Variants in LSR observed in about 807,000 individuals in gnomAD.
LSR encodes the protein lipolysis-stimulated lipoprotein receptor.
Under a neutral mutation model 61.8 loss-of-function variants are expected in LSR, and 44 were observed. That is an observed-to-expected ratio of 0.71 (90% CI 0.56 to 0.91). LSR has a LOEUF of 0.91. LSR is among the 40% of genes least tolerant of loss of function. The probability of loss-of-function intolerance (pLI) is 0.00; values close to 1 mark genes in which losing one functional copy is unlikely to be tolerated. For synonymous variants in LSR, 397 were observed against 350.6 expected, an observed-to-expected ratio of 1.13 and a Z score of -1.48; for missense variants, 911 against 830.5, an observed-to-expected ratio of 1.10 and a Z score of -1.19.
intron 7 of LSR, 41 bp downstream of exon 7, chr19:35,266,779 G>A: frequency 5.0e-6 from 8 of 1,609,300 alleles, no homozygotes; most frequent in Non-Finnish European, 6.8e-6. Flanking sequence ...GCCTGTAAGG[G>A]AGAGGGGTGG....
chr19:35,266,626 C>T (rs2066003595), intron 6 of LSR, 53 bp from the exon 7 acceptor site: 15 of 1,595,874 alleles, frequency 9.4e-6, no homozygotes, highest in Non-Finnish European at 1.2e-5. Context: ...TCTTGGGAGC[C>T]GAGGAGGGGC....
At chr19:35,261,133 G>T (rs777024780) in intron 3 of LSR, among the ~76,000 whole-genome samples, 5 of 152,152 alleles carry the variant, frequency 3.3e-5, no homozygotes, top group African/African-American at 9.7e-5. Flanking sequence ...CACAACACTG[G>T]TGGGGCTCAG....
intron 2 of LSR, among the ~76,000 whole-genome samples, chr19:35,252,951 G>A (rs1032292175): frequency 2.6e-5 from 4 of 152,118 alleles, no homozygotes; most frequent in African/African-American, 9.7e-5. Context: ...GGCTTGAGAG[G>A]TCAAGGCTTC....
Position 35,267,397 on chromosome 19 carries a change from C to G in LSR, c.1433C>G (p.Pro478Arg). ...GGGAGAAGCCGGGCCTACATGCCCC[C>G]GCGGAGCCGCAGCCGGGACGACCTC... The part of the protein sequence containing the change: ...NGGRSRAYMP[P>R]RSRSRDDLYD... Residue 478 changes from proline to arginine, a missense_variant, in exon 9 of 10, where the codon CCG becomes CGG. Physicochemically the swap from Pro to Arg is moderately radical, Grantham distance 103. Transcript: ENST00000605618. 6.2e-7 allele frequency: 1 copy of G among 1,607,094 alleles called. No individual in the cohort carries two copies. The highest frequency in any genetic ancestry group is 8.5e-7 in the Non-Finnish European group (1 of 1,177,540).
rs2065890985 is a variant in LSR, at chr19:35,259,023, T to TCC, written c.534_535dup (p.Gln179ProfsTer32). 6.2e-7 allele frequency: 1 copy of TCC among 1,613,918 alleles called. No homozygotes were observed. Among genetic ancestry groups the TCC allele is most frequent in the Non-Finnish European group, 8.5e-7 (1 of 1,179,976 alleles). On this transcript the variant is annotated frameshift_variant, in exon 3 of 10. Transcript: ENST00000605618. LOFTEE classifies it high-confidence loss of function. ...TGCTCCGTGGTCTCAGCCCAGGACC[T>TCC]CCAGGGGAACAATGAGGCCTACGCA...
At position 35,249,216 on chromosome 19, in the gene LSR, G is replaced by T. The variant is rs1419805013; in HGVS notation, c.109+85G>T. On this transcript the variant is annotated intron_variant, in intron 1 of 9. Transcript: ENST00000605618. ...GATGGAGTTGGAGGCGGCGGGAAGC[G>T]GGAAGCGGGGGTCTCAGAGGCTGGG... 3.4e-6 allele frequency: 5 copies of T among 1,456,002 alleles called. No homozygotes were observed. In the African/African-American group the frequency reaches 7.4e-5, roughly 21 times the overall value. The allele number at this position is 1,456,002 out of a possible 1,614,324, so 90.2% of individuals were successfully genotyped here.
intron 2 of LSR, among the ~76,000 whole-genome samples, chr19:35,258,660 T>C (rs2073898): frequency 0.84 from 127,155 of 152,020 alleles, 53,602 homozygotes; most frequent in Admixed American, 0.91. Flanking sequence ...TACTGCTCTA[T>C]ACTGAAGAGC....
At chr19:35,256,892 A>C (rs192906080) in intron 2 of LSR, among the ~76,000 whole-genome samples, 187 of 151,542 alleles carry the variant, frequency 1.2e-3, no homozygotes, top group African/African-American at 4.3e-3. Context: ...GCTAGAGTGC[A>C]GTGGTGCAAT....
At position 35,267,260 on chromosome 19, in the gene LSR, A is replaced by AGGCGGGGGCT; in HGVS notation, c.1303_1312dup (p.Ala438GlyfsTer34). 6.5e-7 allele frequency: 1 copy of AGGCGGGGGCT among 1,531,774 alleles called. No homozygotes were observed. The highest frequency in any genetic ancestry group is 8.8e-7 in the Non-Finnish European group (1 of 1,140,924). The allele number at this position is 1,531,774 out of a possible 1,614,324, so 94.9% of individuals were successfully genotyped here. ...ACCAGGAGCCCGCCAGGGAGCAGGC[A>AGGCGGGGGCT]GGCGGGGGCTGGCGGGCCAGGCGGC... is the stretch of plus-strand genomic sequence containing the variant. On this transcript the variant is annotated frameshift_variant, in exon 9 of 10. Transcript: ENST00000605618. LOFTEE classifies it high-confidence loss of function.
chr19:35,249,237 C>A, intron 1 of LSR, 106 bp downstream of exon 1: 1 of 1,362,954 alleles, frequency 7.3e-7, no homozygotes, highest in Non-Finnish European at 9.8e-7. Flanking sequence ...GTCTCAGAGG[C>A]TGGGACCTTC....
At position 35,250,465 on chromosome 19, in the gene LSR, G is replaced by A. The variant is rs141980234; in HGVS notation, c.260G>A (p.Arg87His). The change falls in exon 2 of 10, where the codon CGC (arginine) becomes CAC (histidine). Residue 87 changes from arginine to histidine, a missense_variant. Physicochemically the swap from Arg to His is conservative, Grantham distance 29. Coordinates refer to ENST00000605618, the MANE Select transcript of LSR (RefSeq NM_205834.4). ...AAGTACAAGTCTTTCTGCCGGGACC[G>A]CATCGCCGATGCCTTCTCCCCGGCC... ...IWKYKSFCRDRIADAFSPASV... is the reference protein window; with the variant it reads ...IWKYKSFCRDHIADAFSPASV... 1.6e-5 allele frequency: 26 copies of A among 1,613,928 alleles called. No individual in the cohort carries two copies. In the Admixed American group the frequency reaches 2.2e-4, roughly 13 times the overall value.
Position 35,249,016 on chromosome 19 carries a change from G to C in LSR, c.-7G>C, listed in dbSNP as rs533981894. 9 of 1,607,054 alleles carry C rather than the reference G, an allele frequency of 5.6e-6. No individual in the cohort carries two copies. Among genetic ancestry groups the C allele is most frequent in the Admixed American group, 1.7e-5 (1 of 58,844 alleles). Reference sequence around the variant, plus strand: ...ACGCGCGGGCCAGACGCGCCCAGACGGCCGCGATGGCGCTGTTGGCCGGCG... The same window carrying C: ...ACGCGCGGGCCAGACGCGCCCAGACCGCCGCGATGGCGCTGTTGGCCGGCG... On this transcript the variant is annotated 5_prime_UTR_variant, in exon 1 of 10. Coordinates refer to ENST00000605618, the MANE Select transcript of LSR (RefSeq NM_205834.4).
intron 2 of LSR, among the ~76,000 whole-genome samples, chr19:35,257,116 G>A (rs1232871983): frequency 1.3e-5 from 2 of 152,184 alleles, no homozygotes; most frequent in African/African-American, 4.8e-5. Context: ...AGGATTACAG[G>A]TGTGAGCCAC....
Position 35,267,194 on chromosome 19 carries a change from G to C in LSR, c.1230G>C (p.Glu410Asp). 2 of 1,523,106 alleles carry C rather than the reference G, an allele frequency of 1.3e-6. No homozygotes were observed. The highest frequency in any genetic ancestry group is 1.8e-6 in the Non-Finnish European group (2 of 1,138,578). 94.3% of individuals were successfully genotyped at this position (1,523,106 alleles called of 1,614,324 possible). A position where few individuals can be genotyped will look rare whatever the true frequency, so the allele number is the denominator to read the frequency against. ...CTGCCCTCACCCCGATCCGGGATGA[G>C]GAGTGGGGTGGCCACTCCCCCCGGA... ...RGPALTPIRD[E>D]EWGGHSPRSP... The change falls in exon 9 of 10, where the codon GAG (glutamate) becomes GAC (aspartate). Residue 410 changes from glutamate (E) to aspartate (D), a missense_variant. By Grantham distance (45) the Glu-to-Asp change is conservative. Coordinates refer to ENST00000605618, the MANE Select transcript of LSR (RefSeq NM_205834.4).
rs34259399 is a variant in LSR, at chr19:35,266,524, G to A, written c.944G>A (p.Ser315Asn). The change falls in exon 6 of 10, where the codon AGT (serine) becomes AAT (asparagine). Residue 315 changes from serine (S) to asparagine (N), a missense_variant. Coordinates refer to ENST00000605618, the MANE Select transcript of LSR (RefSeq NM_205834.4). Reference sequence around the variant, plus strand: ...GGATACCCTGGAGACGTTGACAGGAGTAGCTCAGGTGAGGCCGGGGGAAGC... The same window carrying A: ...GGATACCCTGGAGACGTTGACAGGAATAGCTCAGGTGAGGCCGGGGGAAGC... ...PGGYPGDVDRSSSAGGQGSYV... is the reference protein window; with the variant it reads ...PGGYPGDVDRNSSAGGQGSYV... 215,265 of 1,603,948 alleles carry A rather than the reference G, an allele frequency of 0.13. 15,680 individuals carry two copies. Among genetic ancestry groups the A allele is most frequent in the South Asian group, 0.23 (21,001 of 89,740 alleles).
rs112341068 is a variant in LSR at position 35,267,372 on chromosome 19, G to GGGA, written c.1410_1412dup (p.Arg471dup). The GGGA allele has an allele frequency of 0.74, 1,173,067 of 1,593,476 alleles. 437,252 individuals are homozygous for GGGA. The highest frequency in any genetic ancestry group is 0.79 in the Middle Eastern group (4,747 of 6,036). On this transcript the variant is annotated inframe_insertion, in exon 9 of 10. Coordinates refer to ENST00000605618, the MANE Select transcript of LSR (RefSeq NM_205834.4). ...GAGCAGGTCTCCCACGAGTAATGGT[G>GGGA]GGAGAAGCCGGGCCTACATGCCCCC...
chr19:35,258,865 C>G (rs1307085120), intron 2 of LSR, 80 bp from the exon 3 acceptor site: 1 of 1,585,388 alleles, frequency 6.3e-7, no homozygotes, highest in Non-Finnish European at 8.6e-7. Context: ...CCTGGGTGTG[C>G]TGGGAAGGGG....
intron 1 of LSR, 38 bp from the exon 2 acceptor site, chr19:35,250,277 C>T (rs1416618741): frequency 7.1e-7 from 1 of 1,409,692 alleles, no homozygotes; most frequent in African/African-American, 1.4e-5. Flanking sequence ...CCTCCCTGAG[C>T]TCACAGCAAC....
At chr19:35,266,787 T>TG in intron 7 of LSR, 49 bp downstream of exon 7, 2 of 1,607,910 alleles carry the variant, frequency 1.2e-6, no homozygotes, top group Non-Finnish European at 1.7e-6. Flanking sequence ...GGGAGAGGGG[T>TG]GGGCCAGGAT....
Sources: allele counts gnomAD v4.1 joint callset (sites outside exome capture counted in the v4.1 genomes callset), GRCh38; gene constraint gnomAD v4.1.1; transcripts MANE v1.5; gene names NCBI Gene and HGNC (gene_info 2026-07-23, HGNC 2026-07-21).